Variants in ATP8A1 observed in about 807,000 individuals in gnomAD.
ATP8A1 encodes ATPase phospholipid transporting 8A1.
A neutral mutation model predicts 177.7 loss-of-function variants in ATP8A1; 90 were observed. The observed-to-expected ratio is 0.51, with a 90% CI of 0.43 to 0.60. The LOEUF is 0.60. Among genes scored for constraint, ATP8A1 ranks in the 20% least tolerant of loss-of-function variants. The probability of loss-of-function intolerance (pLI) is 0.00; values close to 1 mark genes in which losing one functional copy is unlikely to be tolerated. For synonymous variants in ATP8A1, 493 were observed against 485.9 expected, an observed-to-expected ratio of 1.01 and a Z score of -0.19; for missense variants, 1,072 against 1,392.8, an observed-to-expected ratio of 0.77 and a Z score of 3.67.
At chr4:42,541,066 T>C (rs1728335258) in intron 20 of ATP8A1, among the ~76,000 whole-genome samples, 2 of 152,066 alleles carry the variant, frequency 1.3e-5, no homozygotes, top group Admixed American at 6.6e-5. Flanking sequence ...TCTGAGGTTA[T>C]AGTGTGCTAT....
chr4:42,494,383 G>A (rs373262480), intron 24 of ATP8A1, among the ~76,000 whole-genome samples: 1 of 152,144 alleles, frequency 6.6e-6, no homozygotes, highest in Non-Finnish European at 1.5e-5. Flanking sequence ...GCTAAGGCAC[G>A]AGAATCGCTT....
intron 36 of ATP8A1, 84 bp downstream of exon 36, chr4:42,414,543 T>C: frequency 1.7e-6 from 2 of 1,188,462 alleles, no homozygotes; most frequent in Non-Finnish European, 2.5e-6. Context: ...TAAATAAATA[T>C]CCCTAAAGTC....
intron 34 of ATP8A1, 40 bp from the exon 35 acceptor site, chr4:42,422,939 T>C (rs1018291279): frequency 5.3e-6 from 8 of 1,509,176 alleles, no homozygotes; most frequent in Non-Finnish European, 6.3e-6. Flanking sequence ...TGGAAATACT[T>C]CTGTGAAGAT....
intron 27 of ATP8A1, among the ~76,000 whole-genome samples, chr4:42,463,321 G>C (rs952592553): frequency 2.6e-5 from 4 of 152,152 alleles, no homozygotes; most frequent in African/African-American, 9.7e-5. Flanking sequence ...TGATGTTCTC[G>C]TGATAGTGAA....
At chr4:42,531,092 C>T (rs962411827) in intron 20 of ATP8A1, among the ~76,000 whole-genome samples, 24 of 152,132 alleles carry the variant, frequency 1.6e-4, no homozygotes, top group African/African-American at 5.8e-4. Flanking sequence ...GGTGACTGAC[C>T]CAGACTACCA....
At chr4:42,444,196 C>G (rs773664686) in intron 32 of ATP8A1, among the ~76,000 whole-genome samples, 1 of 152,142 alleles carries the variant, frequency 6.6e-6, no homozygotes, top group South Asian at 2.1e-4. Context: ...GAGGACAAAT[C>G]TTTAATATTT....
At chr4:42,478,892 G>T (rs1365185197) in intron 25 of ATP8A1, among the ~76,000 whole-genome samples, 1 of 152,144 alleles carries the variant, frequency 6.6e-6, no homozygotes, top group African/African-American at 2.4e-5. Flanking sequence ...TGTGCAGCTG[G>T]CACCATAAAA....
chr4:42,560,863 A>C (rs1243699636), intron 15 of ATP8A1, among the ~76,000 whole-genome samples: 1 of 152,102 alleles, frequency 6.6e-6, no homozygotes, highest in Non-Finnish European at 1.5e-5. Flanking sequence ...CCATTAAAAA[A>C]CAATTGCAAA....
chr4:42,422,588 T>G (rs1252164260), intron 35 of ATP8A1, among the ~76,000 whole-genome samples: 1 of 152,188 alleles, frequency 6.6e-6, no homozygotes, highest in African/African-American at 2.4e-5. Context: ...CCCATTTTAT[T>G]GATGAGGAAA....
At chr4:42,578,167 G>C (rs2109336096) in intron 12 of ATP8A1, 93 bp downstream of exon 12, 1 of 1,221,732 alleles carries the variant, frequency 8.2e-7, no homozygotes, top group South Asian at 1.9e-5. Flanking sequence ...AGAAACGGTA[G>C]ATATAATTAA....
intron 15 of ATP8A1, among the ~76,000 whole-genome samples, chr4:42,565,692 A>G (rs1731275207): frequency 6.6e-6 from 1 of 152,248 alleles, no homozygotes; most frequent in Admixed American, 6.5e-5. Flanking sequence ...ATAGTGGGGG[A>G]AAGGCATAAA....
intron 16 of ATP8A1, among the ~76,000 whole-genome samples, chr4:42,554,720 G>C (rs544663951): frequency 2.0e-5 from 3 of 152,320 alleles, no homozygotes; most frequent in South Asian, 4.1e-4. Context: ...CTGAGTGTCA[G>C]TGTGATGGTT....
intron 18 of ATP8A1, 66 bp downstream of exon 18, chr4:42,551,127 ATTACT>A: frequency 7.9e-7 from 1 of 1,272,500 alleles, no homozygotes; most frequent in South Asian, 1.2e-5. Context: ...GCCTTTTGGT[ATTACT>A]TTATCTTTGA....
chr4:42,433,062 A>G (rs1715483559), intron 33 of ATP8A1, among the ~76,000 whole-genome samples: 2 of 152,172 alleles, frequency 1.3e-5, no homozygotes, highest in Non-Finnish European at 2.9e-5. Flanking sequence ...GACTTACAGT[A>G]ATGATGTTAA....
chr4:42,586,860 G>C (rs916229606), intron 8 of ATP8A1, among the ~76,000 whole-genome samples: 2 of 152,198 alleles, frequency 1.3e-5, no homozygotes, highest in Admixed American at 1.3e-4. Context: ...TGTGTTCAAA[G>C]AACATAGCTT....
chr4:42,652,624 A>C (rs1278549272), intron 1 of ATP8A1, among the ~76,000 whole-genome samples: 1 of 152,094 alleles, frequency 6.6e-6, no homozygotes, highest in East Asian at 1.9e-4. Flanking sequence ...TGTTGCTCCC[A>C]TAATCCCCAA....
intron 25 of ATP8A1, among the ~76,000 whole-genome samples, chr4:42,471,232 A>G (rs2153185103): frequency 6.6e-6 from 1 of 152,330 alleles, no homozygotes; most frequent in East Asian, 1.9e-4. Context: ...CTTACCTAGA[A>G]GTGCGCTATT....
At chr4:42,492,782 G>A (rs147949971) in intron 24 of ATP8A1, among the ~76,000 whole-genome samples, 7 of 152,212 alleles carry the variant, frequency 4.6e-5, no homozygotes, top group Admixed American at 2.0e-4. Flanking sequence ...GCATATGATC[G>A]GAACTAACAA....
chr4:42,604,208 T>C (rs901865539), intron 5 of ATP8A1, among the ~76,000 whole-genome samples: 1 of 152,214 alleles, frequency 6.6e-6, no homozygotes, highest in East Asian at 1.9e-4. Context: ...TCAGGGGACA[T>C]TGTGTTGACA....
Sources: allele counts gnomAD v4.1 joint callset (sites outside exome capture counted in the v4.1 genomes callset), GRCh38; gene constraint gnomAD v4.1.1; transcripts MANE v1.5; gene names NCBI Gene and HGNC (gene_info 2026-07-23, HGNC 2026-07-21).